Variants in DNER observed in about 807,000 individuals in gnomAD.
DNER encodes delta and Notch-like epidermal growth factor-related receptor.
DNER carries 33 observed loss-of-function variants against 78.2 expected under a neutral mutation model. The ratio of observed to expected loss-of-function variants is 0.42; its 90% CI spans 0.32 to 0.56. The LOEUF (loss-of-function observed/expected upper bound fraction) is 0.56. Among genes scored for constraint, DNER ranks in the 20% least tolerant of loss-of-function variants. The pLI, the probability that DNER is intolerant of heterozygous loss-of-function variation, is 0.11. For synonymous variants in DNER, 417 were observed against 384.8 expected (o/e 1.08, Z -0.98); for missense variants, 918 against 975.3 (o/e 0.94, Z 0.78).
intron 7 of DNER, among the ~76,000 whole-genome samples, chr2:229,461,761 C>T (rs1001512238): frequency 7.9e-5 from 12 of 151,894 alleles, no homozygotes; most frequent in African/African-American, 2.7e-4. Flanking sequence ...GTGATGGTAG[C>T]CAAAAAGTGC....
intron 1 of DNER, among the ~76,000 whole-genome samples, chr2:229,638,486 G>A (rs1698563524): frequency 1.3e-5 from 2 of 152,258 alleles, no homozygotes; most frequent in African/African-American, 4.8e-5. Flanking sequence ...AATGGTGCGG[G>A]ACAACTGAAT....
chr2:229,572,320 TC>T (rs1323878077), intron 4 of DNER, among the ~76,000 whole-genome samples: 1 of 152,194 alleles, frequency 6.6e-6, no homozygotes, highest in Non-Finnish European at 1.5e-5. Flanking sequence ...GTACAGTTCA[TC>T]TAATATTGAA....
intron 1 of DNER, among the ~76,000 whole-genome samples, chr2:229,707,180 A>ATTTTTTTTTTTTTTTTTTTT (rs397868353): frequency 1.1e-5 from 1 of 94,610 alleles, no homozygotes; most frequent in African/African-American, 4.4e-5. Flanking sequence ...CGGCTGGCTA[A>ATTTTTTTTTTTTTTTTTTTT]TTTTTTTTTT....
intron 1 of DNER, among the ~76,000 whole-genome samples, chr2:229,624,063 C>T (rs1468739706): frequency 6.6e-6 from 1 of 152,178 alleles, no homozygotes. Context: ...CCAGCTGCTT[C>T]ACAAAAATTT....
At chr2:229,463,715 C>T (rs1235472727) in intron 7 of DNER, among the ~76,000 whole-genome samples, 1 of 152,220 alleles carries the variant, frequency 6.6e-6, no homozygotes, top group Non-Finnish European at 1.5e-5. Flanking sequence ...GCTGAGATCA[C>T]AGGCATTGAG....
chr2:229,525,174 C>T (rs1488240180), intron 5 of DNER, among the ~76,000 whole-genome samples: 1 of 152,186 alleles, frequency 6.6e-6, no homozygotes, highest in East Asian at 1.9e-4. Flanking sequence ...GGATGTGGGC[C>T]TTCTTCTGTG....
At chr2:229,512,380 C>CAA (rs10658429) in intron 6 of DNER, among the ~76,000 whole-genome samples, 91,869 of 133,870 alleles carry the variant, frequency 0.69, 31,254 homozygotes, top group Non-Finnish European at 0.76. Context: ...GACTCTGTCT[C>CAA]AAAAAAAAAA....
intron 1 of DNER, among the ~76,000 whole-genome samples, chr2:229,597,549 A>G (rs1346524962): frequency 6.6e-6 from 1 of 152,266 alleles, no homozygotes; most frequent in Non-Finnish European, 1.5e-5. Context: ...GAGGCAAAAT[A>G]TCAGAATTAG....
intron 6 of DNER, among the ~76,000 whole-genome samples, chr2:229,491,357 C>T (rs1695395701): frequency 6.6e-6 from 1 of 152,196 alleles, no homozygotes; most frequent in African/African-American, 2.4e-5. Context: ...AAGAAGGCAG[C>T]TCTCTGGGCC....
intron 5 of DNER, among the ~76,000 whole-genome samples, chr2:229,541,892 T>TAAATAAATAAATA (rs1696521674): frequency 6.8e-6 from 1 of 147,352 alleles, no homozygotes; most frequent in African/African-American, 2.5e-5. Context: ...TTTATATGTA[T>TAAATAAATAAATA]ATATAAATTA....
At chr2:229,689,243 C>T (rs1699531601) in intron 1 of DNER, among the ~76,000 whole-genome samples, 1 of 152,184 alleles carries the variant, frequency 6.6e-6, no homozygotes, top group South Asian at 2.1e-4. Context: ...CCACTCCCCT[C>T]CTTGGTCCTG....
intron 4 of DNER, among the ~76,000 whole-genome samples, 198 bp downstream of exon 4, chr2:229,585,660 C>CCA (rs1553541556): frequency 4.5e-5 from 6 of 134,350 alleles, no homozygotes; most frequent in African/African-American, 1.7e-4. Context: ...ACTCCATCAT[C>CCA]AAAAAAAAAA....
chr2:229,487,152 C>T (rs1300037299), intron 6 of DNER, among the ~76,000 whole-genome samples: 6 of 152,292 alleles, frequency 3.9e-5, no homozygotes, highest in Admixed American at 2.6e-4. Context: ...ACATGGTTTT[C>T]TTCTTTTTCT....
chr2:229,594,183 T>C (rs1234803803), intron 1 of DNER, among the ~76,000 whole-genome samples: 1 of 152,160 alleles, frequency 6.6e-6, no homozygotes, highest in Non-Finnish European at 1.5e-5. Flanking sequence ...ACACCTACCC[T>C]CCCCAAGATA....
chr2:229,468,872 A>C (rs954844353), intron 7 of DNER, among the ~76,000 whole-genome samples: 2 of 152,036 alleles, frequency 1.3e-5, no homozygotes, highest in East Asian at 3.9e-4. Flanking sequence ...TCCAATTCTG[A>C]ATATGAACTC....
At chr2:229,630,661 T>A (rs1238948951) in intron 1 of DNER, among the ~76,000 whole-genome samples, 1 of 152,038 alleles carries the variant, frequency 6.6e-6, no homozygotes, top group Non-Finnish European at 1.5e-5. Flanking sequence ...ACTTTTTAGA[T>A]TCAGAGGGTA....
chr2:229,603,736 T>TGG (rs72395169), intron 1 of DNER, among the ~76,000 whole-genome samples: 1 of 152,036 alleles, frequency 6.6e-6, no homozygotes, highest in Admixed American at 6.6e-5. Context: ...GTACATATTT[T>TGG]GGGGGGGTGC....
rs79231284 is a variant in DNER at position 229,581,219 on chromosome 2, A to T, written c.847+4639T>A. Among the ~76,000 whole-genome samples, 36 of 152,350 alleles carry T rather than the reference A, an allele frequency of 2.4e-4. No individual in the cohort carries two copies. In the East Asian group the frequency reaches 6.2e-3, roughly 26 times the overall value. ...CTCTCACCCTGAGATCGGCCATCAC[A>T]TCTAAGCAACAGCAAGTTTAAAGAT... is the stretch of plus-strand genomic sequence containing the variant. On this transcript the variant is annotated intron_variant, in intron 4 of 12. Transcript: ENST00000341772.
At position 229,521,319 on chromosome 2, in the gene DNER, T is replaced by C. The variant is rs150335570; in HGVS notation, c.994-8383A>G. Among the ~76,000 whole-genome samples the C allele has an allele frequency of 4.0e-3, 611 of 152,342 alleles. 5 individuals carry two copies. The highest frequency in any genetic ancestry group is 0.014 in the African/African-American group (593 of 41,578). ...GACAGTGTGTCCTGGCCGACTCATG[T>C]AACGACACAGCATTGGTCAGGGTCT... is the stretch of plus-strand genomic sequence containing the variant. On this transcript the variant is annotated intron_variant, in intron 5 of 12. Coordinates refer to ENST00000341772, the MANE Select transcript of DNER (RefSeq NM_139072.4).
Sources: gnomAD v4.1 joint callset for allele counts (sites outside exome capture counted in the v4.1 genomes callset) on GRCh38, gnomAD v4.1.1 for gene constraint, MANE v1.5 for transcripts, NCBI Gene and HGNC (gene_info 2026-07-23, HGNC 2026-07-21) for gene names.